Variants in ATP8B4 observed in about 807,000 individuals in gnomAD.
The protein encoded by ATP8B4 is ATPase phospholipid transporting 8B4 (putative), also known as probable phospholipid-transporting ATPase IM.
In ATP8B4, 133 loss-of-function variants were observed where a neutral mutation model predicts 145.6. The observed-to-expected ratio is 0.91, with a 90% CI of 0.79 to 1.05. ATP8B4 has a LOEUF of 1.05. ATP8B4 is among the 50% of genes least tolerant of loss of function. The pLI is 0.00. For synonymous variants in ATP8B4, 507 were observed against 492.9 expected (o/e 1.03, Z -0.38); for missense variants, 1,458 against 1,425.2 (o/e 1.02, Z -0.37).
chr15:49,879,170 T>C (rs866180651), intron 24 of ATP8B4, among the ~76,000 whole-genome samples: 1 of 152,132 alleles, frequency 6.6e-6, no homozygotes, highest in African/African-American at 2.4e-5. Flanking sequence ...TAACCAACTT[T>C]TATCAAATAA....
rs201369046 is a variant in ATP8B4 at position 50,106,902 on chromosome 15, A to C, written c.28+37T>G. 5.8e-5 allele frequency: 91 copies of C among 1,564,952 alleles called. No individual in the cohort carries two copies. In the African/African-American group the frequency reaches 1.1e-3, roughly 19 times the overall value. On this transcript the variant is annotated intron_variant, in intron 2 of 27. Coordinates refer to ENST00000284509, the MANE Select transcript of ATP8B4 (RefSeq NM_024837.4). ...AAAAAATTAAAATTATATTTTTAAAATATCACTTTGCATCATTGGAAGAAC... is the reference window on the plus strand; with the variant it reads ...AAAAAATTAAAATTATATTTTTAAACTATCACTTTGCATCATTGGAAGAAC...
At chr15:49,963,315 G>A (rs2044248457) in intron 13 of ATP8B4, among the ~76,000 whole-genome samples, 1 of 152,158 alleles carries the variant, frequency 6.6e-6, no homozygotes, top group South Asian at 2.1e-4. Flanking sequence ...CTTACAGTGG[G>A]ACTGGAAATT....
intron 20 of ATP8B4, among the ~76,000 whole-genome samples, chr15:49,914,178 T>A (rs927806718): frequency 4.0e-5 from 6 of 151,850 alleles, no homozygotes; most frequent in Admixed American, 6.6e-5. Context: ...ATCCAAACAT[T>A]TACAGTCAAT....
At chr15:49,876,791 G>A (rs2034504349) in intron 24 of ATP8B4, 1 of 591,150 alleles carries the variant, frequency 1.7e-6, no homozygotes, top group East Asian at 3.6e-5. Flanking sequence ...ACCAGGGCTT[G>A]GTTTGAGCCT....
chr15:49,904,687 C>T (rs529875663), intron 20 of ATP8B4, among the ~76,000 whole-genome samples: 2 of 152,102 alleles, frequency 1.3e-5, no homozygotes, highest in Non-Finnish European at 2.9e-5. Context: ...AATAGATAGC[C>T]CAGATCACAT....
At chr15:49,920,153 G>A in intron 18 of ATP8B4, 93 bp downstream of exon 18, 2 of 1,456,398 alleles carry the variant, frequency 1.4e-6, no homozygotes, top group Non-Finnish European at 1.9e-6. Flanking sequence ...CTGTGTGCAA[G>A]ATGACTTAGC....
Position 49,972,639 on chromosome 15 carries a change from T to C in ATP8B4, c.1186A>G (p.Thr396Ala). ...IEYIFSDKTG[T>A]LTQNIMTFKR... ...AAGGTCATGATGTTTTGAGTGAGGG[T>C]ACCCGTTTTGTCGGAGAAAATGTAC... Residue 396 changes from threonine (T) to alanine (A), a missense_variant, in exon 13 of 28, where the codon ACC (threonine) becomes GCC (alanine). Thr to Ala is a moderately conservative substitution (Grantham distance 58). Coordinates refer to ENST00000284509, the MANE Select transcript of ATP8B4 (RefSeq NM_024837.4). 1.2e-6 allele frequency: 2 copies of C among 1,613,972 alleles called. No homozygotes were observed. The highest frequency in any genetic ancestry group is 8.5e-7 in the Non-Finnish European group (1 of 1,179,974).
intron 24 of ATP8B4, among the ~76,000 whole-genome samples, chr15:49,879,040 CAT>C (rs1439429922): frequency 1.3e-5 from 2 of 152,180 alleles, no homozygotes; most frequent in South Asian, 2.1e-4. Flanking sequence ...TATATGAAAA[CAT>C]ATACAGTCAT....
chr15:49,981,231 C>A lies in ATP8B4; in HGVS notation c.812G>T (p.Arg271Ile), dbSNP rs1201109425. The A allele has an allele frequency of 6.2e-7, 1 of 1,609,268 alleles. No individual in the cohort carries two copies. The highest frequency in any genetic ancestry group is 1.3e-5 in the African/African-American group (1 of 74,926). The change falls in exon 11 of 28, where the codon AGA (arginine) becomes ATA (isoleucine). Residue 271 changes from arginine (R) to isoleucine (I), a missense_variant. Physicochemically the swap from Arg to Ile is moderately conservative, Grantham distance 97. Transcript: ENST00000284509. Reference sequence around the variant, plus strand: ...CCATAGTACTAGAGTATTCATCAATCTATCAATGCTTGTCCTTTTAAACTT... The same window carrying A: ...CCATAGTACTAGAGTATTCATCAATATATCAATGCTTGTCCTTTTAAACTT... ...KTKFKRTSID[R>I]LMNTLVLWIF...
At chr15:50,011,005 A>G in intron 6 of ATP8B4, 88 bp from the exon 7 acceptor site, 8 of 892,964 alleles carry the variant, frequency 9.0e-6, no homozygotes, top group Non-Finnish European at 1.3e-5. Flanking sequence ...AGCATCATAT[A>G]ACAGAGGAAG....
At chr15:50,165,974 C>G (rs200144444) in intron 1 of ATP8B4, among the ~76,000 whole-genome samples, 104 of 71,142 alleles carry the variant, frequency 1.5e-3, no homozygotes, top group East Asian at 3.5e-3. Flanking sequence ...CCAGAGAACA[C>G]ACACACACAC....
At chr15:49,930,200 T>C (rs892517555) in intron 16 of ATP8B4, among the ~76,000 whole-genome samples, 3 of 152,002 alleles carry the variant, frequency 2.0e-5, no homozygotes, top group African/African-American at 7.2e-5. Flanking sequence ...AGAGCAATTG[T>C]TTTCTGATGC....
rs750066978 is a variant in ATP8B4 at position 49,879,375 on chromosome 15, C to A, written c.2781+1G>T. 1 of 1,606,840 alleles carries A rather than the reference C, an allele frequency of 6.2e-7. No individual in the cohort carries two copies. The highest frequency in any genetic ancestry group is 8.5e-7 in the Non-Finnish European group (1 of 1,176,132). ...GTTATAAAGATGGAAAAAAAACATACCTGGTCAAAAATCCCCATGGCTAAA... is the reference window on the plus strand; with the variant it reads ...GTTATAAAGATGGAAAAAAAACATAACTGGTCAAAAATCCCCATGGCTAAA... On this transcript the variant is annotated splice_donor_variant, in intron 24 of 27. Transcript: ENST00000284509. LOFTEE classifies it high-confidence loss of function.
At chr15:49,994,303 C>T (rs530711980) in intron 9 of ATP8B4, among the ~76,000 whole-genome samples, 6 of 152,270 alleles carry the variant, frequency 3.9e-5, no homozygotes, top group African/African-American at 1.4e-4. Context: ...AAAGCTTCCT[C>T]CTCACCCCAT....
intron 5 of ATP8B4, among the ~76,000 whole-genome samples, chr15:50,040,207 G>A (rs1377323873): frequency 6.6e-6 from 1 of 152,204 alleles, no homozygotes; most frequent in East Asian, 1.9e-4. Context: ...GAAGATTCGA[G>A]TCAGAGAAGA....
chr15:49,934,690 A>G (rs2153470978), intron 14 of ATP8B4, among the ~76,000 whole-genome samples: 1 of 152,244 alleles, frequency 6.6e-6, no homozygotes, highest in East Asian at 1.9e-4. Context: ...TTATTGCACA[A>G]TAAAATGGCA....
At chr15:50,131,128 G>A (rs2153678927) in intron 1 of ATP8B4, among the ~76,000 whole-genome samples, 1 of 152,186 alleles carries the variant, frequency 6.6e-6, no homozygotes, top group East Asian at 1.9e-4. Context: ...CAGCATGGGG[G>A]AAACTGCCCC....
At chr15:49,918,972 A>C in intron 18 of ATP8B4, 22 bp from the exon 19 acceptor site, 1 of 1,551,516 alleles carries the variant, frequency 6.4e-7, no homozygotes, top group Non-Finnish European at 8.9e-7. Context: ...AAGAGAGAAA[A>C]GTTTATGTTA....
At chr15:49,908,135 T>G (rs977983112) in intron 20 of ATP8B4, 2 of 455,858 alleles carry the variant, frequency 4.4e-6, no homozygotes, top group African/African-American at 2.0e-5. Flanking sequence ...AGGTAATACA[T>G]GTGTACTGCC....
Sources: gnomAD v4.1 joint callset for allele counts (sites outside exome capture counted in the v4.1 genomes callset) on GRCh38, gnomAD v4.1.1 for gene constraint, MANE v1.5 for transcripts, NCBI Gene and HGNC (gene_info 2026-07-23, HGNC 2026-07-21) for gene names.